Variants in SGCZ observed in about 807,000 individuals in gnomAD.
The protein encoded by SGCZ is zeta-sarcoglycan.
In SGCZ, 40 loss-of-function variants were observed where a neutral mutation model predicts 41.3. The ratio of observed to expected loss-of-function variants is 0.97; its 90% CI spans 0.75 to 1.26. SGCZ has a LOEUF of 1.26. Ranked by LOEUF, SGCZ falls within the 50% of genes most tolerant of loss-of-function variation. The pLI, the probability that SGCZ is intolerant of heterozygous loss-of-function variation, is 0.00. For synonymous variants in SGCZ, 206 were observed against 137.5 expected (o/e 1.50, Z -3.49); for missense variants, 552 against 369.8 (o/e 1.49, Z -4.04).
At chr8:15,099,349 A>G (rs1482649203) in intron 1 of SGCZ, among the ~76,000 whole-genome samples, 2 of 152,208 alleles carry the variant, frequency 1.3e-5, no homozygotes, top group Non-Finnish European at 2.9e-5. Context: ...ACTGTGACCA[A>G]TTATATGCCC....
rs185768472 is a variant in SGCZ at position 14,783,729 on chromosome 8, A to T, written c.40-228803T>A. 6.6e-5 allele frequency among the ~76,000 whole-genome samples: 10 copies of T among 152,182 alleles called. No homozygotes were observed. In the East Asian group the frequency reaches 1.9e-3, roughly 30 times the overall value. Reference sequence around the variant, plus strand: ...TTTTGCTGTTGTTGTTTGTTTTTCTATCTGGGATAATAAAGCTTTTAGTCA... The same window carrying T: ...TTTTGCTGTTGTTGTTTGTTTTTCTTTCTGGGATAATAAAGCTTTTAGTCA... On this transcript the variant is annotated intron_variant, in intron 1 of 7. Transcript: ENST00000382080.
chr8:14,968,408 G>T (rs1411582801), intron 1 of SGCZ, among the ~76,000 whole-genome samples: 3 of 152,054 alleles, frequency 2.0e-5, no homozygotes, highest in Non-Finnish European at 4.4e-5. Context: ...TTCAGGATTT[G>T]CTATAAACCA....
At chr8:14,693,183 A>G (rs537058411) in intron 1 of SGCZ, among the ~76,000 whole-genome samples, 1 of 152,342 alleles carries the variant, frequency 6.6e-6, no homozygotes, top group East Asian at 1.9e-4. Flanking sequence ...GCTAACTTGA[A>G]GAATATATGA....
At position 14,744,277 on chromosome 8, in the gene SGCZ, T is replaced by C. The variant is rs77569414; in HGVS notation, c.40-189351A>G. Reference sequence around the variant, plus strand: ...CACAATATTTACTTCCCTGCTTTCATTGAAAACGCCAAATGTGCCTATATT... The same window carrying C: ...CACAATATTTACTTCCCTGCTTTCACTGAAAACGCCAAATGTGCCTATATT... On this transcript the variant is annotated intron_variant, in intron 1 of 7. Transcript: ENST00000382080. Among the ~76,000 whole-genome samples the C allele has an allele frequency of 4.1e-3, 622 of 152,250 alleles. 8 individuals carry two copies. The highest frequency in any genetic ancestry group is 0.014 in the African/African-American group (571 of 41,560).
At chr8:15,090,183 A>G (rs117039848) in intron 1 of SGCZ, among the ~76,000 whole-genome samples, 4,251 of 152,294 alleles carry the variant, frequency 0.028, 91 homozygotes, top group Non-Finnish European at 0.041. Flanking sequence ...TGACATCCAC[A>G]AGAAGCAAAT....
At chr8:14,652,347 G>GT (rs201655521) in intron 1 of SGCZ, among the ~76,000 whole-genome samples, 15,566 of 32,638 alleles carry the variant, frequency 0.48, 1,957 homozygotes, top group East Asian at 0.73. Flanking sequence ...AAAAAAAAAA[G>GT]GGGGGGGTGT....
chr8:14,238,116 T>C (rs1035951069), intron 3 of SGCZ, among the ~76,000 whole-genome samples: 1 of 152,246 alleles, frequency 6.6e-6, no homozygotes. Flanking sequence ...TCAGTGTAAC[T>C]ACAGAGTCTT....
At chr8:14,827,234 T>G (rs1802361772) in intron 1 of SGCZ, among the ~76,000 whole-genome samples, 1 of 143,712 alleles carries the variant, frequency 7.0e-6, no homozygotes, top group Admixed American at 6.9e-5. Flanking sequence ...TTCTTTTCTT[T>G]TCTTTTTTTT....
At chr8:14,123,780 TG>T (rs1212432958) in intron 5 of SGCZ, among the ~76,000 whole-genome samples, 7 of 152,186 alleles carry the variant, frequency 4.6e-5, no homozygotes, top group Non-Finnish European at 4.4e-5. Context: ...CCCTGAAACC[TG>T]TGAATATGTC....
At chr8:15,229,886 T>C (rs145792919) in intron 1 of SGCZ, among the ~76,000 whole-genome samples, 174 of 152,332 alleles carry the variant, frequency 1.1e-3, no homozygotes, top group African/African-American at 3.8e-3. Context: ...TTTCTAGCCA[T>C]TCTAAAGAAA....
At chr8:14,364,730 A>G (rs1803638211) in intron 2 of SGCZ, among the ~76,000 whole-genome samples, 1 of 152,110 alleles carries the variant, frequency 6.6e-6, no homozygotes. Flanking sequence ...ATTGGTTTGC[A>G]TAAGTTCTTG....
intron 2 of SGCZ, among the ~76,000 whole-genome samples, chr8:14,525,783 C>G (rs1471451064): frequency 2.6e-5 from 4 of 152,064 alleles, no homozygotes; most frequent in Non-Finnish European, 4.4e-5. Flanking sequence ...AGAGAGGTAG[C>G]AGGTTGTAGG....
chr8:14,967,566 C>T (rs1407182943), intron 1 of SGCZ, among the ~76,000 whole-genome samples: 1 of 152,162 alleles, frequency 6.6e-6, no homozygotes. Context: ...CCTTCAAAGG[C>T]ATCTCAAACT....
chr8:14,222,430 A>C (rs7844811), intron 4 of SGCZ, among the ~76,000 whole-genome samples: 13,981 of 152,016 alleles, frequency 0.092, 1,210 homozygotes, highest in African/African-American at 0.23. Flanking sequence ...CGCCTCCCAA[A>C]GTGCTAAGAT....
chr8:15,007,267 A>C (rs1175955821), intron 1 of SGCZ, among the ~76,000 whole-genome samples: 1 of 152,236 alleles, frequency 6.6e-6, no homozygotes. Context: ...CCTTACTATG[A>C]CAGATTTTGA....
chr8:14,133,673 A>G (rs1374567629), intron 5 of SGCZ, among the ~76,000 whole-genome samples: 1 of 152,094 alleles, frequency 6.6e-6, no homozygotes, highest in Admixed American at 6.6e-5. Context: ...TATTTTTTTT[A>G]ATCAGTGTTT....
intron 2 of SGCZ, among the ~76,000 whole-genome samples, chr8:14,490,821 CA>C (rs3068618): frequency 0.52 from 78,374 of 151,798 alleles, 20,397 homozygotes; most frequent in East Asian, 0.66. Context: ...TTGATCATTT[CA>C]AAAAAAAAAT....
intron 3 of SGCZ, among the ~76,000 whole-genome samples, chr8:14,304,500 T>G (rs1801289847): frequency 6.6e-6 from 1 of 152,010 alleles, no homozygotes; most frequent in South Asian, 2.1e-4. Flanking sequence ...AGGCTGAGGT[T>G]GGAGGATCAC....
chr8:14,286,312 ATTAAGCCTT>A (rs1223942394), intron 3 of SGCZ, among the ~76,000 whole-genome samples: 1 of 152,102 alleles, frequency 6.6e-6, no homozygotes, highest in Non-Finnish European at 1.5e-5. Flanking sequence ...ATCACTTTTC[ATTAAGCCTT>A]GTCCAACTAG....
Sources: allele counts gnomAD v4.1 joint callset (sites outside exome capture counted in the v4.1 genomes callset), GRCh38; gene constraint gnomAD v4.1.1; transcripts MANE v1.5; gene names NCBI Gene and HGNC (gene_info 2026-07-23, HGNC 2026-07-21).